Variants in RELL1 observed in about 807,000 individuals in gnomAD.
RELL1 encodes the protein RELT-like protein 1.
In RELL1, 10 loss-of-function variants were observed where a neutral mutation model predicts 23.0. The observed-to-expected ratio is 0.43, with a 90% CI of 0.27 to 0.74. The LOEUF is 0.74. Among genes scored for constraint, RELL1 ranks in the 30% least tolerant of loss-of-function variants. RELL1 has a pLI of 0.19. For synonymous variants in RELL1, 146 were observed against 146.8 expected (o/e 0.99, Z 0.04); for missense variants, 315 against 364.4 (o/e 0.86, Z 1.10).
rs780394015 is a variant in RELL1 at position 37,631,461 on chromosome 4, A to G, written c.743T>C (p.Val248Ala). 2.5e-6 allele frequency: 4 copies of G among 1,614,014 alleles called. No individual in the cohort carries two copies. The highest frequency in any genetic ancestry group is 3.4e-6 in the Non-Finnish European group (4 of 1,179,980). Residue 248 changes from valine to alanine, a missense_variant, in exon 6 of 7, where the codon GTT (valine) becomes GCT (alanine). Coordinates refer to ENST00000454158, the MANE Select transcript of RELL1 (RefSeq NM_001085400.2). Reference sequence around the variant, plus strand: ...CCCATTGACGGTTTCAGCCCCACTAACAGACATCAGGCTTCTCCGTTCCTT... The same window carrying G: ...CCCATTGACGGTTTCAGCCCCACTAGCAGACATCAGGCTTCTCCGTTCCTT... ...NQKERRSLMS[V>A]SGAETVNGEV... is the part of the protein sequence containing the mutation.
intron 6 of RELL1, among the ~76,000 whole-genome samples, chr4:37,596,732 ATATATTTTTTTTTT>A (rs1430444890): frequency 1.9e-3 from 32 of 17,082 alleles, no homozygotes; most frequent in African/African-American, 5.0e-3. Context: ...ATATATATAT[ATATATTTTTTTTTT>A]TTTTTTTTTT....
intron 3 of RELL1, among the ~76,000 whole-genome samples, chr4:37,645,252 A>G (rs997145566): frequency 2.0e-5 from 3 of 152,328 alleles, no homozygotes; most frequent in African/African-American, 7.2e-5. Flanking sequence ...AGCTCCCCAC[A>G]GCCACGAAAG....
intron 6 of RELL1, among the ~76,000 whole-genome samples, chr4:37,621,507 T>A (rs2109244308): frequency 6.6e-6 from 1 of 151,978 alleles, no homozygotes; most frequent in South Asian, 2.1e-4. Context: ...AAAATAAAAA[T>A]CCTGATTATA....
At chr4:37,592,784 TGTAA>T (rs766105378) in intron 6 of RELL1, among the ~76,000 whole-genome samples, 8 of 152,234 alleles carry the variant, frequency 5.3e-5, no homozygotes, top group Non-Finnish European at 1.2e-4. Flanking sequence ...AATGAGATGA[TGTAA>T]GTGTTTAGCA....
Position 37,647,405 on chromosome 4 carries a change from A to C in RELL1, c.348T>G (p.Thr116=). ...LNDSVNENSD[T]VGQIVHYIMK... ...TGATGTAGTGGACGATTTGCCCAAC[A>C]GTGTCACTGTTTTCATTCACACTGT... The change falls in exon 3 of 7, where the codon ACT becomes ACG. Residue 116 remains threonine (T), a synonymous_variant. Coordinates refer to ENST00000454158, the MANE Select transcript of RELL1 (RefSeq NM_001085400.2). 1 of 1,613,560 alleles carries C rather than the reference A, an allele frequency of 6.2e-7. No homozygotes were observed.
At position 37,598,252 on chromosome 4, in the gene RELL1, C is replaced by CAAAAA. The variant is rs56142508; in HGVS notation, c.*4-7040_*4-7036dup. Among the ~76,000 whole-genome samples the CAAAAA allele has an allele frequency of 8.5e-3, 96 of 11,332 alleles. 14 individuals are homozygous for CAAAAA. The highest frequency in any genetic ancestry group is 0.035 in the East Asian group (27 of 764). 7.4% of individuals were successfully genotyped at this position (11,332 alleles called of 152,430 possible). Reference sequence around the variant, plus strand: ...TGGGAAACAAAGTGCAACTCTGTCTCAAAAAAAAAAAAAAAAAAAAAAAAA... The same window carrying CAAAAA: ...TGGGAAACAAAGTGCAACTCTGTCTCAAAAAAAAAAAAAAAAAAAAAAAAAAAAAA... On this transcript the variant is annotated intron_variant, in intron 6 of 6. Transcript: ENST00000314117.
chr4:37,604,900 GACACACAC>G (rs1483293891), intron 6 of RELL1, among the ~76,000 whole-genome samples: 2 of 65,642 alleles, frequency 3.0e-5, no homozygotes, highest in African/African-American at 1.6e-4. Context: ...CACACACACA[GACACACAC>G]ACACACACAC....
chr4:37,615,365 CTAA>C (rs2109235658), intron 6 of RELL1, among the ~76,000 whole-genome samples: 1 of 152,340 alleles, frequency 6.6e-6, no homozygotes, highest in African/African-American at 2.4e-5. Flanking sequence ...GTTCTGGTCT[CTAA>C]TTACAAACAC....
intron 6 of RELL1, among the ~76,000 whole-genome samples, chr4:37,603,966 G>A (rs534287857): frequency 2.0e-5 from 3 of 152,144 alleles, no homozygotes; most frequent in Non-Finnish European, 4.4e-5. Flanking sequence ...CTGCAGGCAC[G>A]GGCCATCATG....
intron 4 of RELL1, among the ~76,000 whole-genome samples, chr4:37,637,166 C>G (rs1720360437): frequency 6.6e-6 from 1 of 152,206 alleles, no homozygotes; most frequent in South Asian, 2.1e-4. Context: ...CTAAGATGGT[C>G]AGAACACCAG....
intron 3 of RELL1, among the ~76,000 whole-genome samples, chr4:37,639,450 C>T (rs1321257565): frequency 6.7e-6 from 1 of 149,894 alleles, no homozygotes; most frequent in Admixed American, 6.6e-5. Context: ...GTAATATACG[C>T]TAACTTTAAA....
At chr4:37,652,310 A>G (rs1212201963) in intron 1 of RELL1, among the ~76,000 whole-genome samples, 1 of 152,234 alleles carries the variant, frequency 6.6e-6, no homozygotes, top group Non-Finnish European at 1.5e-5. Flanking sequence ...CCAGAATTTG[A>G]AATAGCCAGT....
chr4:37,679,845 G>A (rs957474185), intron 1 of RELL1, among the ~76,000 whole-genome samples: 5 of 151,934 alleles, frequency 3.3e-5, no homozygotes, highest in African/African-American at 2.4e-5. Flanking sequence ...CCAGCTACTC[G>A]GGAGGCTGAG....
intron 1 of RELL1, 73 bp downstream of exon 1, chr4:37,686,127 G>A (rs964587741): frequency 1.2e-5 from 16 of 1,301,390 alleles, no homozygotes; most frequent in East Asian, 2.7e-5. Context: ...CTGCCGTCCC[G>A]ACCCCTCGCT....
intron 6 of RELL1, among the ~76,000 whole-genome samples, chr4:37,614,844 G>A (rs1478855882): frequency 6.6e-6 from 1 of 152,108 alleles, no homozygotes; most frequent in Non-Finnish European, 1.5e-5. Flanking sequence ...AAAGGTGGGG[G>A]ATGTCAGGCC....
chr4:37,682,111 T>C (rs1225899722), intron 1 of RELL1, among the ~76,000 whole-genome samples: 1 of 152,224 alleles, frequency 6.6e-6, no homozygotes, highest in African/African-American at 2.4e-5. Context: ...AATAAAATTA[T>C]GTATATAACT....
At chr4:37,616,991 C>G (rs892080332) in intron 6 of RELL1, among the ~76,000 whole-genome samples, 11 of 152,230 alleles carry the variant, frequency 7.2e-5, no homozygotes, top group African/African-American at 1.7e-4. Flanking sequence ...AAATCTTGCT[C>G]TGGTCTAAAT....
chr4:37,586,592 A>G (rs1718350392), downstream of RELL1, among the ~76,000 whole-genome samples: 1 of 152,138 alleles, frequency 6.6e-6, no homozygotes. Context: ...GCTGCAGCAA[A>G]TTACTACGAA....
chr4:37,607,880 G>A (rs746348937), downstream of RELL1, among the ~76,000 whole-genome samples: 10 of 152,064 alleles, frequency 6.6e-5, no homozygotes, highest in African/African-American at 7.2e-5. Flanking sequence ...GAGCCACTGC[G>A]CCCAGCCATC....
Sources: gnomAD v4.1 joint callset for allele counts (sites outside exome capture counted in the v4.1 genomes callset) on GRCh38, gnomAD v4.1.1 for gene constraint, MANE v1.5 for transcripts, NCBI Gene and HGNC (gene_info 2026-07-23, HGNC 2026-07-21) for gene names.